Variants in ATP8A2 observed in about 807,000 individuals in gnomAD.
ATP8A2 encodes the protein ATPase phospholipid transporting 8A2, also known as phospholipid-transporting ATPase IB.
ATP8A2 carries 100 observed loss-of-function variants against 165.6 expected under a neutral mutation model. The ratio of observed to expected loss-of-function variants is 0.60; its 90% CI spans 0.51 to 0.71. The LOEUF is 0.71. Among genes scored for constraint, ATP8A2 ranks in the 30% least tolerant of loss-of-function variants. ATP8A2 has a pLI of 0.00. For missense variants in ATP8A2, 1,227 were observed against 1,479.5 expected, an observed-to-expected ratio of 0.83 and a Z score of 2.80; for synonymous variants, 543 against 548.8, an observed-to-expected ratio of 0.99 and a Z score of 0.15.
chr13:25,523,132 A>G (rs2137856577), intron 2 of ATP8A2, among the ~76,000 whole-genome samples: 1 of 152,158 alleles, frequency 6.6e-6, no homozygotes, highest in African/African-American at 2.4e-5. Context: ...AAAAAAAAAA[A>G]AGAATTTTTT....
intron 34 of ATP8A2, among the ~76,000 whole-genome samples, chr13:25,966,550 C>G (rs545719426): frequency 6.6e-6 from 1 of 152,250 alleles, no homozygotes; most frequent in East Asian, 1.9e-4. Flanking sequence ...TTGAATCATC[C>G]CCAGCATTGC....
At chr13:25,941,664 C>T (rs187749935) in intron 33 of ATP8A2, among the ~76,000 whole-genome samples, 6 of 152,298 alleles carry the variant, frequency 3.9e-5, no homozygotes, top group African/African-American at 1.4e-4. Context: ...CTGGCAGCAG[C>T]ACACACTGAA....
intron 27 of ATP8A2, among the ~76,000 whole-genome samples, chr13:25,803,888 C>T (rs563337227): frequency 2.0e-5 from 3 of 152,356 alleles, no homozygotes; most frequent in African/African-American, 7.2e-5. Context: ...AGTACTCAAT[C>T]TCTAGCTTTT....
At chr13:25,634,315 C>A (rs932498431) in intron 24 of ATP8A2, among the ~76,000 whole-genome samples, 4 of 151,996 alleles carry the variant, frequency 2.6e-5, no homozygotes, top group Admixed American at 2.0e-4. Context: ...TAAATTGGAC[C>A]CATGAATATC....
chr13:25,744,455 T>C (rs531938027), intron 25 of ATP8A2, among the ~76,000 whole-genome samples: 1 of 152,360 alleles, frequency 6.6e-6, no homozygotes, highest in South Asian at 2.1e-4. Context: ...TCATTTAGAC[T>C]GTACTTCCCT....
chr13:25,814,988 T>C (rs1236844734), intron 27 of ATP8A2, among the ~76,000 whole-genome samples: 1 of 151,942 alleles, frequency 6.6e-6, no homozygotes, highest in Non-Finnish European at 1.5e-5. Flanking sequence ...AGGCCGTGAT[T>C]ATACCACTGC....
intron 2 of ATP8A2, among the ~76,000 whole-genome samples, chr13:25,478,225 T>A (rs1227949685): frequency 3.3e-5 from 5 of 152,078 alleles, no homozygotes; most frequent in Admixed American, 1.3e-4. Flanking sequence ...TTTGTTTGCA[T>A]AATGTCTGAT....
At chr13:25,818,020 T>C (rs1951074122) in intron 27 of ATP8A2, among the ~76,000 whole-genome samples, 1 of 152,134 alleles carries the variant, frequency 6.6e-6, no homozygotes, top group Admixed American at 6.5e-5. Flanking sequence ...CCCATTAGTA[T>C]TTAATTTGTG....
At chr13:25,523,660 T>G (rs1314442536) in intron 2 of ATP8A2, among the ~76,000 whole-genome samples, 1 of 152,182 alleles carries the variant, frequency 6.6e-6, no homozygotes, top group African/African-American at 2.4e-5. Context: ...GCATAATTGT[T>G]CATAGTAGTC....
At chr13:25,471,806 G>C (rs1401014342) in intron 2 of ATP8A2, among the ~76,000 whole-genome samples, 1 of 152,228 alleles carries the variant, frequency 6.6e-6, no homozygotes, top group Non-Finnish European at 1.5e-5. Flanking sequence ...GGCAGAGTAA[G>C]TTGGGGATGT....
At chr13:25,631,700 T>A (rs534772645) in intron 24 of ATP8A2, among the ~76,000 whole-genome samples, 2 of 152,270 alleles carry the variant, frequency 1.3e-5, no homozygotes, top group South Asian at 4.2e-4. Context: ...CCATGGAATA[T>A]CATTACAATG....
intron 33 of ATP8A2, chr13:25,927,076 G>C (rs1954628020): frequency 4.4e-6 from 2 of 453,042 alleles, no homozygotes; most frequent in South Asian, 1.6e-5. Context: ...CTCCTACCCA[G>C]TCTTCATTCA....
Position 25,554,973 on chromosome 13 carries a change from T to C in ATP8A2, c.1186-18T>C. 6.5e-7 allele frequency: 1 copy of C among 1,527,204 alleles called. No homozygotes were observed. The highest frequency in any genetic ancestry group is 1.2e-5 in the South Asian group (1 of 86,616). 94.6% of individuals were successfully genotyped at this position (1,527,204 alleles called of 1,614,324 possible). A position where few individuals can be genotyped will look rare whatever the true frequency, so the allele number is the denominator to read the frequency against. ...TATATATTTTCTGAAATCCTGTCTC[T>C]TGTTCTCTCTCTCTCAGGACACAGA... On this transcript the variant is annotated intron_variant, in intron 12 of 36. Coordinates refer to ENST00000381655, the MANE Select transcript of ATP8A2 (RefSeq NM_016529.6).
chr13:25,504,056 T>C (rs1245689654), intron 2 of ATP8A2, among the ~76,000 whole-genome samples: 2 of 152,232 alleles, frequency 1.3e-5, no homozygotes, highest in Non-Finnish European at 2.9e-5. Context: ...GGGTATGCAA[T>C]GCACTGGAGA....
intron 2 of ATP8A2, among the ~76,000 whole-genome samples, chr13:25,489,794 T>C (rs1456584677): frequency 2.0e-5 from 3 of 151,818 alleles, no homozygotes; most frequent in African/African-American, 7.3e-5. Context: ...ATTGATGTAT[T>C]GTGTAGTGTT....
chr13:25,946,688 A>G (rs1164138249), intron 33 of ATP8A2, among the ~76,000 whole-genome samples: 1 of 152,180 alleles, frequency 6.6e-6, no homozygotes, highest in Non-Finnish European at 1.5e-5. Context: ...TTACTCAAAG[A>G]TGCTAGTTTT....
At chr13:25,571,224 G>T (rs1436691400) in intron 17 of ATP8A2, among the ~76,000 whole-genome samples, 1 of 152,116 alleles carries the variant, frequency 6.6e-6, no homozygotes, top group Non-Finnish European at 1.5e-5. Context: ...TGTGCATGGG[G>T]GTACTCTCTA....
At chr13:25,374,958 A>G (rs905588667) in intron 1 of ATP8A2, among the ~76,000 whole-genome samples, 2 of 152,192 alleles carry the variant, frequency 1.3e-5, no homozygotes, top group Admixed American at 6.5e-5. Flanking sequence ...GCTGTATACT[A>G]TTTTTAAAAA....
intron 24 of ATP8A2, among the ~76,000 whole-genome samples, chr13:25,590,968 A>G (rs1320442533): frequency 2.0e-5 from 3 of 151,964 alleles, no homozygotes; most frequent in Admixed American, 1.3e-4. Context: ...ATCCTTGTTC[A>G]TGTTACTGCC....
Sources: gnomAD v4.1 joint callset for allele counts (sites outside exome capture counted in the v4.1 genomes callset) on GRCh38, gnomAD v4.1.1 for gene constraint, MANE v1.5 for transcripts, NCBI Gene and HGNC (gene_info 2026-07-23, HGNC 2026-07-21) for gene names.